The following MND1 variants were observed in gnomAD, a reference collection of about 807,000 sequenced individuals.
MND1 encodes the protein meiotic nuclear division protein 1 homolog.
MND1 carries 28 observed loss-of-function variants against 35.1 expected under a neutral mutation model. That is an observed-to-expected ratio of 0.80 (90% confidence interval 0.59 to 1.09). The LOEUF is 1.09. Among genes scored for constraint, MND1 ranks in the 50% least tolerant of loss-of-function variants. The pLI, the probability that MND1 is intolerant of heterozygous loss-of-function variation, is 0.00. For synonymous variants in MND1, 69 were observed against 70.5 expected (o/e 0.98, Z 0.11); for missense variants, 213 against 239.6 (o/e 0.89, Z 0.73).
intron 7 of MND1, among the ~76,000 whole-genome samples, chr4:153,410,100 T>C (rs1729640085): frequency 1.3e-5 from 2 of 152,170 alleles, no homozygotes; most frequent in African/African-American, 4.8e-5. Context: ...ATCTGTTCAA[T>C]GTGGATAAAT....
intron 4 of MND1, among the ~76,000 whole-genome samples, chr4:153,368,223 C>A (rs1773704847): frequency 6.6e-6 from 1 of 152,118 alleles, no homozygotes; most frequent in Non-Finnish European, 1.5e-5. Flanking sequence ...TCTCTCCTCT[C>A]TATTTAGCCA....
intron 4 of MND1, among the ~76,000 whole-genome samples, chr4:153,391,217 A>G (rs1486199400): frequency 1.3e-5 from 2 of 151,808 alleles, no homozygotes; most frequent in Non-Finnish European, 2.9e-5. Context: ...AGGCTGGAGC[A>G]CAGTGGTGCG....
rs145187506 is a variant in MND1 at position 153,414,786 on chromosome 4, A to C, written c.547A>C (p.Lys183Gln). The C allele has an allele frequency of 4.4e-4, 680 of 1,558,558 alleles. 4 individuals are homozygous for C. The highest frequency in any genetic ancestry group is 4.9e-5 in the Non-Finnish European group (56 of 1,148,040). Reference sequence around the variant, plus strand: ...CGCAATAAAATCTTGGGCCAAAAGAAAATTTGGGTTTGAAGAAAATAAAAT... The same window carrying C: ...CGCAATAAAATCTTGGGCCAAAAGACAATTTGGGTTTGAAGAAAATAAAAT... ...IFAIKSWAKR[K>Q]FGFEENKIDR... The change falls in exon 8 of 8, where the codon AAA (lysine) becomes CAA (glutamine). Residue 183 changes from lysine to glutamine, a missense_variant. Coordinates refer to ENST00000240488, the MANE Select transcript of MND1 (RefSeq NM_032117.4).
intron 4 of MND1, among the ~76,000 whole-genome samples, chr4:153,373,642 A>G (rs1458256660): frequency 6.6e-6 from 1 of 152,166 alleles, no homozygotes; most frequent in East Asian, 1.9e-4. Flanking sequence ...CACGTACCGG[A>G]GATCAAAGCT....
At chr4:153,393,924 C>CTTTTTTTTTTTTTTTTTT (rs36028750) in intron 4 of MND1, among the ~76,000 whole-genome samples, 2 of 56,464 alleles carry the variant, frequency 3.5e-5, no homozygotes, top group African/African-American at 7.1e-5. Context: ...ACTTTGTTTT[C>CTTTTTTTTTTTTTTTTTT]TTTTTTTTTT....
intron 6 of MND1, among the ~76,000 whole-genome samples, chr4:153,397,772 C>T (rs1403907716): frequency 2.0e-5 from 3 of 151,990 alleles, no homozygotes; most frequent in African/African-American, 4.8e-5. Context: ...GTGTGCTATA[C>T]GTGCCATTGC....
chr4:153,346,190 G>C (rs1351424882), intron 1 of MND1, among the ~76,000 whole-genome samples: 1 of 152,202 alleles, frequency 6.6e-6, no homozygotes, highest in East Asian at 1.9e-4. Context: ...TAAGTAAATA[G>C]TTAATGAGTT....
At chr4:153,383,686 T>G (rs1728771359) in intron 4 of MND1, among the ~76,000 whole-genome samples, 1 of 152,130 alleles carries the variant, frequency 6.6e-6, no homozygotes, top group Non-Finnish European at 1.5e-5. Flanking sequence ...GCACTCTCCA[T>G]CATGTCCTTA....
chr4:153,381,662 A>AT (rs1305035243), intron 4 of MND1: 1 of 92,042 alleles, frequency 1.1e-5, no homozygotes, highest in Admixed American at 1.6e-4. Flanking sequence ...TAATATATAT[A>AT]ATATAATATA....
chr4:153,405,844 A>G (rs1256247448), intron 6 of MND1, among the ~76,000 whole-genome samples: 1 of 152,080 alleles, frequency 6.6e-6, no homozygotes, highest in Admixed American at 6.5e-5. Context: ...TCACTCTGTC[A>G]CCCAGGCTGG....
At chr4:153,376,295 G>A (rs1197765217) in intron 4 of MND1, among the ~76,000 whole-genome samples, 4 of 152,144 alleles carry the variant, frequency 2.6e-5, no homozygotes, top group African/African-American at 9.7e-5. Context: ...GTGTTTGTGG[G>A]TGTGTGCACA....
At chr4:153,361,973 TTTTCCATGTC>T (rs1211703947) in intron 4 of MND1, among the ~76,000 whole-genome samples, 2 of 152,262 alleles carry the variant, frequency 1.3e-5, no homozygotes, top group Admixed American at 6.5e-5. Flanking sequence ...ACTCTTTATT[TTTTCCATGTC>T]TTTCCATGTC....
Position 153,413,144 on chromosome 4 carries a change from C to T in MND1, c.512-1607C>T, listed in dbSNP as rs150869569. On this transcript the variant is annotated intron_variant, in intron 7 of 7. Coordinates refer to ENST00000240488, the MANE Select transcript of MND1 (RefSeq NM_032117.4). ...CTTTAAAGATCTGTTTCAATATAGTCACATTCTGAGGTAGTAGGGGCTAGG... is the reference window on the plus strand; with the variant it reads ...CTTTAAAGATCTGTTTCAATATAGTTACATTCTGAGGTAGTAGGGGCTAGG... Among the ~76,000 whole-genome samples, 263 of 152,206 alleles carry T rather than the reference C, an allele frequency of 1.7e-3. 2 individuals carry two copies. The East Asian group carries it at 0.045, about 26-fold the overall frequency.
At chr4:153,396,916 C>T (rs569902631) in intron 5 of MND1, among the ~76,000 whole-genome samples, 1 of 152,050 alleles carries the variant, frequency 6.6e-6, no homozygotes, top group African/African-American at 2.4e-5. Context: ...TAACATACAA[C>T]GACATGGTCA....
At chr4:153,344,674 C>G (rs2149625041), upstream of MND1, 1 of 1,477,244 alleles carries the variant, frequency 6.8e-7, no homozygotes, top group East Asian at 2.6e-5. Context: ...CAAACGCGTC[C>G]TGGCCTGTCC....
chr4:153,409,229 G>T, intron 7 of MND1: 1 of 198,808 alleles, frequency 5.0e-6, no homozygotes, highest in Non-Finnish European at 1.1e-5. Flanking sequence ...AGATATTTTT[G>T]TAAAACTAAT....
At chr4:153,350,203 T>G in intron 2 of MND1, 74 bp downstream of exon 2, 2 of 1,054,478 alleles carry the variant, frequency 1.9e-6, no homozygotes, top group Non-Finnish European at 2.9e-6. Context: ...ATGTTAACTG[T>G]CCCCTCTTTG....
At chr4:153,402,105 A>G (rs948740635) in intron 6 of MND1, among the ~76,000 whole-genome samples, 11 of 152,210 alleles carry the variant, frequency 7.2e-5, no homozygotes, top group African/African-American at 2.4e-4. Context: ...CAATGAGCCA[A>G]CATCATGCAC....
intron 4 of MND1, among the ~76,000 whole-genome samples, chr4:153,374,157 C>A (rs1728416901): frequency 6.6e-6 from 1 of 152,166 alleles, no homozygotes; most frequent in Admixed American, 6.6e-5. Context: ...GTGTAAGATG[C>A]CTGGTACTTT....
Sources: gnomAD v4.1 joint callset for allele counts (sites outside exome capture counted in the v4.1 genomes callset) on GRCh38, gnomAD v4.1.1 for gene constraint, MANE v1.5 for transcripts, NCBI Gene and HGNC (gene_info 2026-07-23, HGNC 2026-07-21) for gene names.